The following COPS2 variants were observed in gnomAD, a reference collection of about 807,000 sequenced individuals.
The protein encoded by COPS2 is COP9 signalosome subunit 2.
Under a neutral mutation model 66.1 loss-of-function variants are expected in COPS2, and 10 were observed. The observed-to-expected ratio is 0.15, with a 90% confidence interval of 0.09 to 0.26. COPS2 has a LOEUF of 0.26. Ranked by LOEUF, COPS2 falls within the 10% of genes least tolerant of loss-of-function variation. The pLI is 1.00. For synonymous variants in COPS2, 179 were observed against 171.3 expected (o/e 1.04, Z -0.35); for missense variants, 215 against 513.3 (o/e 0.42, Z 5.62).
chr15:49,155,196 C>G (rs1043287301), intron 1 of COPS2, among the ~76,000 whole-genome samples: 7 of 152,252 alleles, frequency 4.6e-5, no homozygotes, highest in Non-Finnish European at 5.9e-5. Context: ...AGCATGGTCA[C>G]CGAGGCGGCT....
rs1264946378 is a variant in COPS2 at position 49,153,944 on chromosome 15, TAGA to T, written c.54+1578_54+1580del. Among the ~76,000 whole-genome samples, 4 of 152,248 alleles carry T rather than the reference TAGA, an allele frequency of 2.6e-5. No homozygotes were observed. In the South Asian group the frequency reaches 8.3e-4, roughly 32 times the overall value. The stretch of plus-strand genomic sequence containing the variant: ...TGGTATGTACAAACCAACAGTTAGA[TAGA>T]AGGAGTAAGTTCTAATGTTTGACAG... On this transcript the variant is annotated intron_variant, in intron 1 of 12. Transcript: ENST00000388901.
Position 49,123,451 on chromosome 15 carries a change from G to A in COPS2, c.*4499C>T, listed in dbSNP as rs1290806132. 3.3e-5 allele frequency: 5 copies of A among 152,112 alleles called. No individual in the cohort carries two copies. Among genetic ancestry groups the A allele is most frequent in the African/African-American group, 1.2e-4 (5 of 41,424 alleles). 9.4% of individuals were successfully genotyped at this position (152,112 alleles called of 1,614,324 possible). ...TTCATGGCATATGACATTTGCCTGTGTCAGAAATAAGTGATATTAAGTAAA... is the reference window on the plus strand; with the variant it reads ...TTCATGGCATATGACATTTGCCTGTATCAGAAATAAGTGATATTAAGTAAA... On this transcript the variant is annotated 3_prime_UTR_variant, in exon 13 of 13. Coordinates refer to ENST00000388901, the MANE Select transcript of COPS2 (RefSeq NM_004236.4).
At position 49,137,312 on chromosome 15, in the gene COPS2, T is replaced by C. The variant is rs766564359; in HGVS notation, c.462+36A>G. On this transcript the variant is annotated intron_variant, in intron 5 of 12. Coordinates refer to ENST00000388901, the MANE Select transcript of COPS2 (RefSeq NM_004236.4). ...GACTTTATTAAAAACACCCACCCAC[T>C]TTTCAAAAGAAAAGTGTAAGTATTA... 2.6e-5 allele frequency: 40 copies of C among 1,552,822 alleles called. No homozygotes were observed. The South Asian group carries it at 3.1e-4, about 12-fold the overall frequency.
rs35969483 is a variant in COPS2 at position 49,132,988 on chromosome 15, A to ATT, written c.947+769_947+770dup. Among the ~76,000 whole-genome samples the ATT allele has an allele frequency of 4.1e-3, 539 of 130,880 alleles. 16 individuals carry two copies. Among genetic ancestry groups the ATT allele is most frequent in the South Asian group, 0.029 (118 of 4,074 alleles). The allele number at this position is 130,880 out of a possible 152,430, so 85.9% of individuals were successfully genotyped here. On this transcript the variant is annotated intron_variant, in intron 9 of 12. Transcript: ENST00000388901. The stretch of plus-strand genomic sequence containing the variant: ...CCTCAGAAAATTATCCATTGTAAAC[A>ATT]TTTTTTTTTTTTTTTTTTGAGACGG...
rs1005340357 is a variant in COPS2 at position 49,122,879 on chromosome 15, A to G, written c.*5071T>C. On this transcript the variant is annotated 3_prime_UTR_variant, in exon 13 of 13. Coordinates refer to ENST00000388901, the MANE Select transcript of COPS2 (RefSeq NM_004236.4). ...ATTGGTGGAACTGACCATTTCAGGC[A>G]GACATCCTGTTACATTCCTAATCAC... 2 of 152,214 alleles carry G rather than the reference A, an allele frequency of 1.3e-5. No homozygotes were observed. Among genetic ancestry groups the G allele is most frequent in the Non-Finnish European group, 2.9e-5 (2 of 68,026 alleles). 9.4% of individuals were successfully genotyped at this position (152,214 alleles called of 1,614,324 possible).
At chr15:49,134,644 G>T in intron 6 of COPS2, 130 bp from the exon 7 acceptor site, 1 of 711,374 alleles carries the variant, frequency 1.4e-6, no homozygotes, top group Non-Finnish European at 2.2e-6. Flanking sequence ...TTAATTGGGA[G>T]CTACAGTACT....
chr15:49,133,869 A>ATTT (rs2084233532), intron 8 of COPS2, 58 bp from the exon 9 acceptor site: 1 of 1,545,292 alleles, frequency 6.5e-7, no homozygotes, highest in African/African-American at 1.4e-5. Context: ...ATTTTAAAAA[A>ATTT]AGAAATAACA....
At chr15:49,128,272 G>A (rs2084183886) in intron 12 of COPS2, among the ~76,000 whole-genome samples, 178 bp from the exon 13 acceptor site, 1 of 152,228 alleles carries the variant, frequency 6.6e-6, no homozygotes, top group Middle Eastern at 3.4e-3. Context: ...ATAGAAACCA[G>A]ATTTCAGATA....
chr15:49,128,026 G>C lies in COPS2; in HGVS notation c.1256C>G (p.Ala419Gly). 1 of 1,613,858 alleles carries C rather than the reference G, an allele frequency of 6.2e-7. No homozygotes were observed. The highest frequency in any genetic ancestry group is 8.5e-7 in the Non-Finnish European group (1 of 1,179,824). The change falls in exon 13 of 13, where the codon GCA (alanine) becomes GGA (glycine). Residue 419 changes from alanine (A) to glycine (G), a missense_variant. Ala to Gly is a moderately conservative substitution (Grantham distance 60, BLOSUM62 0). Around this residue, in one of 5 missense-constraint regions of COPS2, gnomAD observed 42 missense variants for 55.9 expected, o/e 0.75. Transcript: ENST00000388901. ...LELDHQKRGGARYTALDKWTN... is the reference protein window; with the variant it reads ...LELDHQKRGGGRYTALDKWTN... ...CCATTTATCTAGTGCAGTATATCGT[G>C]CACCACCCCTCTTCTGATGATCCAG...
At position 49,126,137 on chromosome 15, in the gene COPS2, C is replaced by T. The variant is rs1242248876; in HGVS notation, c.*1813G>A. 1 of 152,378 alleles carries T rather than the reference C, an allele frequency of 6.6e-6. No homozygotes were observed. The highest frequency in any genetic ancestry group is 1.5e-5 in the Non-Finnish European group (1 of 67,890). 9.4% of individuals were successfully genotyped at this position (152,378 alleles called of 1,614,324 possible). On this transcript the variant is annotated 3_prime_UTR_variant, in exon 13 of 13. Transcript: ENST00000388901. ...ACTCTTGTAAAAAAAGTTTAGCACA[C>T]TTTTCACAAATGATTTATGTAAAAG...
chr15:49,153,385 A>G (rs1007541334), intron 1 of COPS2, among the ~76,000 whole-genome samples: 22 of 152,202 alleles, frequency 1.4e-4, no homozygotes, highest in African/African-American at 5.3e-4. Context: ...AATGGTTATT[A>G]ATCAAAAAGA....
chr15:49,128,680 T>TA (rs1250168227), intron 12 of COPS2, 22 bp downstream of exon 12: 14 of 1,531,592 alleles, frequency 9.1e-6, no homozygotes, highest in Non-Finnish European at 1.2e-5. Context: ...TATTTTGTGA[T>TA]AAAAAATAGT....
intron 1 of COPS2, among the ~76,000 whole-genome samples, chr15:49,155,032 C>G (rs1235800371): frequency 6.6e-6 from 1 of 152,248 alleles, no homozygotes; most frequent in Non-Finnish European, 1.5e-5. Context: ...CTCCAGGAGA[C>G]TCACAAGTTG....
chr15:49,134,704 T>A (rs2084238199), intron 6 of COPS2, among the ~76,000 whole-genome samples, 190 bp from the exon 7 acceptor site: 1 of 152,212 alleles, frequency 6.6e-6, no homozygotes. Context: ...TCCTTTCTAC[T>A]TTTTAGTTAT....
Position 49,137,752 on chromosome 15 carries a change from T to C in COPS2, c.373-315A>G, listed in dbSNP as rs79966772. The C allele has an allele frequency of 4.5e-5, 9 of 198,530 alleles. No individual in the cohort carries two copies. In the East Asian group the frequency reaches 1.1e-3, roughly 25 times the overall value. The allele number at this position is 198,530 out of a possible 1,614,324, so 12.3% of individuals were successfully genotyped here. On this transcript the variant is annotated intron_variant, in intron 4 of 12. Coordinates refer to ENST00000388901, the MANE Select transcript of COPS2 (RefSeq NM_004236.4). ...TCTAATAATACATTCTGTATTTTAT[T>C]TTACTTTTTAAAAAGCTATTCAAGT...
chr15:49,136,896 G>A (rs1254786670), intron 6 of COPS2, among the ~76,000 whole-genome samples: 1 of 151,958 alleles, frequency 6.6e-6, no homozygotes, highest in Non-Finnish European at 1.5e-5. Flanking sequence ...GGCTGAGGTG[G>A]GAAGACTGCT....
intron 1 of COPS2, among the ~76,000 whole-genome samples, chr15:49,151,830 G>T (rs1441298094): frequency 6.9e-6 from 1 of 145,330 alleles, no homozygotes; most frequent in Non-Finnish European, 1.5e-5. Flanking sequence ...TAAATAACAA[G>T]TTTGTTTTAT....
chr15:49,141,130 C>CA (rs2084287236), intron 3 of COPS2, among the ~76,000 whole-genome samples: 1 of 152,142 alleles, frequency 6.6e-6, no homozygotes, highest in South Asian at 2.1e-4. Context: ...TATCTTGCAG[C>CA]AAAAGGGAAA....
Position 49,155,539 on chromosome 15 carries a change from C to T in COPS2, c.40G>A (p.Glu14Lys). The change falls in exon 1 of 13, where the codon GAG becomes AAG. Residue 14 changes from glutamate (E) to lysine (K), a missense_variant. Glu to Lys is a moderately conservative substitution (Grantham distance 56). Transcript: ENST00000388901. Reference sequence around the variant, plus strand: ...CTGCGCCTCACCAGGTCGTAGTCCTCCTCATCATCGCACATGAAATCATCC... The same window carrying T: ...CTGCGCCTCACCAGGTCGTAGTCCTTCTCATCATCGCACATGAAATCATCC... ...MEDDFMCDDE[E>K]DYDLEYSEDS... The T allele has an allele frequency of 6.2e-7, 1 of 1,614,204 alleles. No homozygotes were observed. Among genetic ancestry groups the T allele is most frequent in the Non-Finnish European group, 8.5e-7 (1 of 1,180,024 alleles).
Sources: allele counts gnomAD v4.1 joint callset (sites outside exome capture counted in the v4.1 genomes callset), GRCh38; gene constraint gnomAD v4.1.1; regional missense constraint gnomAD v4.1.1; transcripts MANE v1.5; gene names NCBI Gene and HGNC (gene_info 2026-07-23, HGNC 2026-07-21).